The following GRIN2A variants were observed in gnomAD, a reference collection of about 807,000 sequenced individuals.
GRIN2A encodes the protein glutamate ionotropic receptor NMDA type subunit 2A, also known as glutamate receptor ionotropic, NMDA 2A.
GRIN2A carries 22 observed loss-of-function variants against 113.4 expected under a neutral mutation model. The ratio of observed to expected loss-of-function variants is 0.19; its 90% confidence interval spans 0.14 to 0.28. The LOEUF is 0.28. Among genes scored for constraint, GRIN2A ranks in the 10% least tolerant of loss-of-function variants. GRIN2A has a pLI of 1.00. For missense variants in GRIN2A, 1,502 were observed against 1,887.0 expected, an observed-to-expected ratio of 0.80 and a Z score of 3.78; for synonymous variants, 827 against 738.4, an observed-to-expected ratio of 1.12 and a Z score of -1.94.
At chr16:10,088,344 A>G (rs749364738) in intron 2 of GRIN2A, among the ~76,000 whole-genome samples, 8 of 152,158 alleles carry the variant, frequency 5.3e-5, no homozygotes, top group Non-Finnish European at 1.2e-4. Flanking sequence ...CCACAGTGCC[A>G]CTTTCCATCC....
intron 4 of GRIN2A, among the ~76,000 whole-genome samples, chr16:9,887,971 C>T (rs537937200): frequency 2.6e-5 from 4 of 152,260 alleles, no homozygotes; most frequent in South Asian, 4.2e-4. Context: ...GGTGGAGTCT[C>T]GTTCTCTCGC....
intron 10 of GRIN2A, among the ~76,000 whole-genome samples, chr16:9,800,530 T>C (rs1042601139): frequency 6.6e-6 from 1 of 152,162 alleles, no homozygotes; most frequent in Non-Finnish European, 1.5e-5. Context: ...CAGAGACAGC[T>C]GCCGAAGGAC....
At chr16:9,993,959 T>G (rs1451045650) in intron 2 of GRIN2A, among the ~76,000 whole-genome samples, 1 of 152,214 alleles carries the variant, frequency 6.6e-6, no homozygotes, top group Non-Finnish European at 1.5e-5. Flanking sequence ...CATGTCTTCT[T>G]ACTTGCAAAG....
chr16:10,137,289 A>T (rs1477242243), intron 2 of GRIN2A, among the ~76,000 whole-genome samples: 1 of 152,158 alleles, frequency 6.6e-6, no homozygotes, highest in African/African-American at 2.4e-5. Context: ...GGAGAACAAA[A>T]ATGAGGCTCA....
intron 4 of GRIN2A, among the ~76,000 whole-genome samples, chr16:9,856,456 TA>T (rs546997832): frequency 1.2e-4 from 17 of 146,892 alleles, no homozygotes; most frequent in South Asian, 2.2e-4. Flanking sequence ...CCGTCTCTAC[TA>T]AAAAAAAAAT....
intron 2 of GRIN2A, among the ~76,000 whole-genome samples, chr16:10,117,824 G>T (rs1312106101): frequency 6.6e-6 from 1 of 152,212 alleles, no homozygotes; most frequent in Non-Finnish European, 1.5e-5. Flanking sequence ...AATGACAATA[G>T]AAATATAGTG....
intron 5 of GRIN2A, among the ~76,000 whole-genome samples, chr16:9,847,980 A>C (rs1055525225): frequency 2.0e-5 from 3 of 146,508 alleles, no homozygotes; most frequent in African/African-American, 7.4e-5. Flanking sequence ...TATATGGTTT[A>C]TATATTTTTA....
At position 9,771,949 on chromosome 16, in the gene GRIN2A, C is replaced by T. The variant is rs185565882; in HGVS notation, c.2357-2860G>A. ...CTTCACTTTGATGGACAGAGATTTT[C>T]CTAGTTTTCTTTTTACAGACTAAGT... is the stretch of plus-strand genomic sequence containing the variant. On this transcript the variant is annotated intron_variant, in intron 11 of 12. Transcript: ENST00000330684. Among the ~76,000 whole-genome samples the T allele has an allele frequency of 4.1e-4, 63 of 152,204 alleles. 1 individual carries two copies. Among genetic ancestry groups the T allele is most frequent in the African/African-American group, 1.5e-3 (63 of 41,530 alleles).
At chr16:9,941,593 T>A (rs964534779) in intron 2 of GRIN2A, among the ~76,000 whole-genome samples, 7 of 152,294 alleles carry the variant, frequency 4.6e-5, no homozygotes, top group South Asian at 4.1e-4. Flanking sequence ...TCGCAGCCTC[T>A]CTGCAGAAAA....
At chr16:10,182,778 C>T (rs971217731), upstream of GRIN2A, 20 of 152,522 alleles carry the variant, frequency 1.3e-4, no homozygotes, top group African/African-American at 4.8e-4. Context: ...AGGAGCTCCC[C>T]TCCAAGATCC....
chr16:9,980,734 A>C (rs534626983), intron 2 of GRIN2A, among the ~76,000 whole-genome samples: 1 of 151,906 alleles, frequency 6.6e-6, no homozygotes, highest in South Asian at 2.1e-4. Flanking sequence ...AAATTATCAC[A>C]AGGACAAAAG....
chr16:10,025,973 T>C (rs1305985065), intron 2 of GRIN2A, among the ~76,000 whole-genome samples: 4 of 152,142 alleles, frequency 2.6e-5, no homozygotes, highest in Non-Finnish European at 5.9e-5. Context: ...GTAGCCAGGG[T>C]CCTGGAGCCA....
At chr16:10,118,815 C>G (rs1036016994) in intron 2 of GRIN2A, among the ~76,000 whole-genome samples, 1 of 152,142 alleles carries the variant, frequency 6.6e-6, no homozygotes, top group Non-Finnish European at 1.5e-5. Context: ...CCAAGATGAG[C>G]CATTCAATAT....
intron 2 of GRIN2A, among the ~76,000 whole-genome samples, chr16:10,077,570 C>G (rs1010947702): frequency 6.6e-6 from 1 of 152,176 alleles, no homozygotes; most frequent in Non-Finnish European, 1.5e-5. Flanking sequence ...CAGAATGGCC[C>G]CATTAGTCCA....
intron 2 of GRIN2A, among the ~76,000 whole-genome samples, chr16:10,079,782 C>T (rs1353023170): frequency 6.6e-6 from 1 of 152,178 alleles, no homozygotes; most frequent in South Asian, 2.1e-4. Flanking sequence ...GCTATAGCAG[C>T]CCAAACAGAC....
At chr16:10,104,503 T>C (rs1202669439) in intron 2 of GRIN2A, among the ~76,000 whole-genome samples, 1 of 152,220 alleles carries the variant, frequency 6.6e-6, no homozygotes, top group Non-Finnish European at 1.5e-5. Flanking sequence ...TTCATTCCCC[T>C]CTGCTTCTGG....
At chr16:10,177,943 G>T (rs999114747) in intron 2 of GRIN2A, among the ~76,000 whole-genome samples, 2 of 152,178 alleles carry the variant, frequency 1.3e-5, no homozygotes, top group African/African-American at 2.4e-5. Context: ...CTGAGACTTA[G>T]AAGTAAGAGC....
At chr16:9,998,790 T>C (rs1487021502) in intron 2 of GRIN2A, among the ~76,000 whole-genome samples, 1 of 151,834 alleles carries the variant, frequency 6.6e-6, no homozygotes, top group Admixed American at 6.6e-5. Context: ...TCTCCAACTC[T>C]CTAACAGTTC....
intron 3 of GRIN2A, among the ~76,000 whole-genome samples, chr16:9,932,467 C>T (rs918496832): frequency 6.6e-6 from 1 of 152,114 alleles, no homozygotes; most frequent in Non-Finnish European, 1.5e-5. Context: ...CCTCCACCTC[C>T]CAGGTTCAAG....
Sources: gnomAD v4.1 joint callset for allele counts (sites outside exome capture counted in the v4.1 genomes callset) on GRCh38, gnomAD v4.1.1 for gene constraint, MANE v1.5 for transcripts, NCBI Gene and HGNC (gene_info 2026-07-23, HGNC 2026-07-21) for gene names.